The following CSMD1 variants were observed in gnomAD, a reference collection of about 807,000 sequenced individuals.
The protein encoded by CSMD1 is CUB and sushi domain-containing protein 1.
In CSMD1, 213 loss-of-function variants were observed where a neutral mutation model predicts 417.5. The ratio of observed to expected loss-of-function variants is 0.51; its 90% confidence interval spans 0.46 to 0.57. The LOEUF (loss-of-function observed/expected upper bound fraction) is 0.57, where lower values mean the gene tolerates loss of function less well. Among genes scored for constraint, CSMD1 ranks in the 20% least tolerant of loss-of-function variants. The probability of loss-of-function intolerance (pLI) is 0.00; values close to 1 mark genes in which losing one functional copy is unlikely to be tolerated. For synonymous variants in CSMD1, 2,862 were observed against 1,736.8 expected (o/e 1.65, Z -16.11); for missense variants, 6,923 against 4,529.7 (o/e 1.53, Z -15.17).
intron 7 of CSMD1, among the ~76,000 whole-genome samples, chr8:3,625,212 A>T (rs936204865): frequency 1.3e-5 from 2 of 152,202 alleles, no homozygotes; most frequent in African/African-American, 4.8e-5. Flanking sequence ...CTTGGATGAT[A>T]AACTCTTATT....
At chr8:4,030,871 C>G (rs1384216672) in intron 4 of CSMD1, among the ~76,000 whole-genome samples, 2 of 152,124 alleles carry the variant, frequency 1.3e-5, no homozygotes, top group Non-Finnish European at 2.9e-5. Flanking sequence ...CTCCAGATAC[C>G]CCAAATCATC....
At chr8:3,403,549 C>T (rs950471202) in intron 15 of CSMD1, among the ~76,000 whole-genome samples, 1 of 152,196 alleles carries the variant, frequency 6.6e-6, no homozygotes, top group Non-Finnish European at 1.5e-5. Context: ...CCTTTAACCT[C>T]ATCCTGTTTG....
intron 3 of CSMD1, among the ~76,000 whole-genome samples, chr8:4,329,267 T>C (rs1268778902): frequency 6.6e-6 from 1 of 152,148 alleles, no homozygotes; most frequent in Non-Finnish European, 1.5e-5. Context: ...AAAGACCTAT[T>C]ACTAAAATGC....
At chr8:3,688,414 T>A (rs961192595) in intron 7 of CSMD1, among the ~76,000 whole-genome samples, 3 of 152,184 alleles carry the variant, frequency 2.0e-5, no homozygotes, top group Admixed American at 1.3e-4. Context: ...GAATTTAGAT[T>A]TTAGACTTTG....
At chr8:3,189,095 C>A (rs776669140) in intron 34 of CSMD1, 84 bp from the exon 35 acceptor site, 3 of 1,313,580 alleles carry the variant, frequency 2.3e-6, no homozygotes, top group South Asian at 3.4e-5. Context: ...ACTGTGTGAC[C>A]ACACAGTAAG....
intron 3 of CSMD1, among the ~76,000 whole-genome samples, chr8:4,258,315 G>A (rs1429478327): frequency 2.8e-5 from 3 of 105,726 alleles, no homozygotes; most frequent in African/African-American, 4.1e-5. Flanking sequence ...GAGTGAGGGA[G>A]GAGAGGGAGA....
At chr8:4,877,316 A>G (rs1803105004) in intron 1 of CSMD1, among the ~76,000 whole-genome samples, 1 of 152,060 alleles carries the variant, frequency 6.6e-6, no homozygotes, top group African/African-American at 2.4e-5. Flanking sequence ...GCATTTAAAA[A>G]TTTTACATTA....
At chr8:4,691,909 A>T (rs1301633824) in intron 1 of CSMD1, among the ~76,000 whole-genome samples, 1 of 152,200 alleles carries the variant, frequency 6.6e-6, no homozygotes, top group African/African-American at 2.4e-5. Context: ...CAGTTTGGGG[A>T]CATTTTCTCC....
chr8:4,752,951 G>C (rs995016486), intron 1 of CSMD1, among the ~76,000 whole-genome samples: 3 of 152,162 alleles, frequency 2.0e-5, no homozygotes, highest in South Asian at 2.1e-4. Context: ...GCTCACAGCA[G>C]AGCCAAAGAA....
At chr8:4,190,322 T>TCAC (rs1798946167) in intron 3 of CSMD1, among the ~76,000 whole-genome samples, 1 of 149,548 alleles carries the variant, frequency 6.7e-6, no homozygotes, top group Admixed American at 6.6e-5. Context: ...CTAAGCCCTA[T>TCAC]CACTGAAGTT....
At chr8:3,758,295 G>C (rs990325566) in intron 5 of CSMD1, among the ~76,000 whole-genome samples, 3 of 152,192 alleles carry the variant, frequency 2.0e-5, no homozygotes, top group Non-Finnish European at 4.4e-5. Context: ...AGAAGCAAGG[G>C]TGAGGGCTTT....
intron 49 of CSMD1, among the ~76,000 whole-genome samples, chr8:3,069,321 G>C (rs1266134530): frequency 1.3e-5 from 2 of 151,864 alleles, no homozygotes; most frequent in South Asian, 2.1e-4. Flanking sequence ...TGTAATCCCA[G>C]CTACTCGGGA....
At chr8:4,309,972 C>T (rs1482335537) in intron 3 of CSMD1, among the ~76,000 whole-genome samples, 1 of 152,092 alleles carries the variant, frequency 6.6e-6, no homozygotes, top group Non-Finnish European at 1.5e-5. Flanking sequence ...TTACATAGTG[C>T]TTTATTTTCA....
At chr8:4,441,048 TTAAAATA>T (rs1798440636) in intron 2 of CSMD1, among the ~76,000 whole-genome samples, 1 of 149,538 alleles carries the variant, frequency 6.7e-6, no homozygotes, top group Non-Finnish European at 1.5e-5. Flanking sequence ...TATTATCATT[TTAAAATA>T]TAAACTTTTT....
At chr8:3,620,533 G>A (rs949654829) in intron 7 of CSMD1, among the ~76,000 whole-genome samples, 3 of 152,108 alleles carry the variant, frequency 2.0e-5, no homozygotes, top group Admixed American at 1.3e-4. Flanking sequence ...AAGTAAGGGA[G>A]CAGACTTGTA....
At chr8:3,625,630 C>G (rs996817747) in intron 7 of CSMD1, among the ~76,000 whole-genome samples, 2 of 151,822 alleles carry the variant, frequency 1.3e-5, no homozygotes, top group Non-Finnish European at 2.9e-5. Flanking sequence ...ATGCTATGTC[C>G]TAAAATATAT....
intron 23 of CSMD1, among the ~76,000 whole-genome samples, chr8:3,332,685 G>C (rs997841347): frequency 2.6e-5 from 4 of 151,682 alleles, no homozygotes; most frequent in African/African-American, 7.3e-5. Context: ...GCATGTGTGC[G>C]TGCGCACACA....
At chr8:4,680,769 G>A (rs1325542518) in intron 1 of CSMD1, among the ~76,000 whole-genome samples, 1 of 152,028 alleles carries the variant, frequency 6.6e-6, no homozygotes, top group Non-Finnish European at 1.5e-5. Context: ...TAGTAGAGAC[G>A]AGGTTTCACC....
intron 7 of CSMD1, among the ~76,000 whole-genome samples, chr8:3,628,905 G>A (rs1563213330): frequency 6.7e-6 from 1 of 149,488 alleles, no homozygotes; most frequent in Non-Finnish European, 1.5e-5. Flanking sequence ...AAGACAGGCA[G>A]GAAAAAATAA....
Sources: allele counts gnomAD v4.1 joint callset (sites outside exome capture counted in the v4.1 genomes callset), GRCh38; gene constraint gnomAD v4.1.1; transcripts MANE v1.5; gene names NCBI Gene and HGNC (gene_info 2026-07-23, HGNC 2026-07-21).